Variants in LRRN3 observed in about 807,000 individuals in gnomAD.
LRRN3 encodes the protein leucine-rich repeat neuronal protein 3.
Under a neutral mutation model 40.1 loss-of-function variants are expected in LRRN3, and 15 were observed. The observed-to-expected ratio is 0.37, with a 90% CI of 0.25 to 0.58. LRRN3 has a LOEUF of 0.58. Ranked by LOEUF, LRRN3 falls within the 20% of genes least tolerant of loss-of-function variation. The pLI, the probability that LRRN3 is intolerant of heterozygous loss-of-function variation, is 0.72. For missense variants in LRRN3, 746 were observed against 837.7 expected (o/e 0.89, Z 1.35); for synonymous variants, 308 against 297.2 (o/e 1.04, Z -0.37).
chr7:111,109,737 T>A (rs2129582687), intron 2 of LRRN3, among the ~76,000 whole-genome samples: 2 of 152,304 alleles, frequency 1.3e-5, no homozygotes, highest in South Asian at 4.1e-4. Context: ...TTGAACTGAA[T>A]TTGTACATTG....
intron 2 of LRRN3, among the ~76,000 whole-genome samples, chr7:111,107,989 T>G (rs1220675905): frequency 2.0e-5 from 3 of 152,194 alleles, no homozygotes; most frequent in Non-Finnish European, 4.4e-5. Flanking sequence ...TGTCTTGATT[T>G]GCATCAACTT....
At chr7:111,112,753 A>C (rs1036545584) in intron 2 of LRRN3, among the ~76,000 whole-genome samples, 2 of 152,202 alleles carry the variant, frequency 1.3e-5, no homozygotes, top group Non-Finnish European at 2.9e-5. Context: ...ATTATAGGGA[A>C]CTAAAAATAC....
At chr7:111,114,702 T>G (rs1217674359) in intron 2 of LRRN3, among the ~76,000 whole-genome samples, 1 of 141,896 alleles carries the variant, frequency 7.0e-6, no homozygotes, top group African/African-American at 2.7e-5. Flanking sequence ...ATCGCACCAC[T>G]GCCCTCTAGC....
At chr7:111,106,434 G>A (rs1482696165) in intron 2 of LRRN3, among the ~76,000 whole-genome samples, 1 of 151,774 alleles carries the variant, frequency 6.6e-6, no homozygotes, top group African/African-American at 2.4e-5. Context: ...CTGGTTTTGA[G>A]AAACTCTCTA....
chr7:111,123,805 G>T lies in LRRN3; in HGVS notation c.1033G>T (p.Ala345Ser). The change falls in exon 3 of 3, where the codon GCT becomes TCT. Residue 345 changes from alanine to serine, a missense_variant. Coordinates refer to ENST00000308478, the MANE Select transcript of LRRN3 (RefSeq NM_001099658.2). This position sits in a 1 kb window ranked among gnomAD's most constrained non-coding sequence, Gnocchi z 6.4. The part of the protein sequence containing the change: ...KLESLMLNSN[A>S]LSALYHGTIE... Reference sequence around the variant, plus strand: ...GGAATCACTCATGCTGAACAGCAATGCTCTCAGTGCCCTGTACCATGGTAC... The same window carrying T: ...GGAATCACTCATGCTGAACAGCAATTCTCTCAGTGCCCTGTACCATGGTAC... The T allele has an allele frequency of 6.2e-7, 1 of 1,613,980 alleles. No homozygotes were observed. The highest frequency in any genetic ancestry group is 1.1e-5 in the South Asian group (1 of 91,070).
intron 2 of LRRN3, among the ~76,000 whole-genome samples, chr7:111,119,397 C>T (rs1014614579): frequency 6.6e-6 from 1 of 152,174 alleles, no homozygotes; most frequent in Non-Finnish European, 1.5e-5. Flanking sequence ...ATATCTAAGT[C>T]ATCTGTTTTC....
Position 111,124,130 on chromosome 7 carries a change from A to T in LRRN3, c.1358A>T (p.Glu453Val), listed in dbSNP as rs1217492638. The change falls in exon 3 of 3, where the codon GAA becomes GTA. Residue 453 changes from glutamate to valine, a missense_variant. Glu to Val is a moderately radical substitution (Grantham distance 121). Coordinates refer to ENST00000308478, the MANE Select transcript of LRRN3 (RefSeq NM_001099658.2). Reference protein sequence around the residue: ...HCRATAEPQPEIYWITPSGQK... With the variant: ...HCRATAEPQPVIYWITPSGQK... Reference sequence around the variant, plus strand: ...AGAGCTACTGCAGAACCACAGCCTGAAATCTACTGGATAACACCTTCTGGT... The same window carrying T: ...AGAGCTACTGCAGAACCACAGCCTGTAATCTACTGGATAACACCTTCTGGT... 4.3e-6 allele frequency: 7 copies of T among 1,613,914 alleles called. No homozygotes were observed. The highest frequency in any genetic ancestry group is 5.9e-6 in the Non-Finnish European group (7 of 1,179,990).
At chr7:111,111,167 A>G (rs1379983497) in intron 2 of LRRN3, among the ~76,000 whole-genome samples, 1 of 152,270 alleles carries the variant, frequency 6.6e-6, no homozygotes, top group Non-Finnish European at 1.5e-5. Flanking sequence ...ATGCAAATTT[A>G]TAACCCTGTT....
intron 2 of LRRN3, among the ~76,000 whole-genome samples, chr7:111,108,989 T>C (rs188403952): frequency 2.6e-5 from 4 of 152,160 alleles, no homozygotes; most frequent in Non-Finnish European, 4.4e-5. Flanking sequence ...AAAGCTAACA[T>C]TCTAGTGGAG....
intron 2 of LRRN3, among the ~76,000 whole-genome samples, chr7:111,103,041 C>G (rs1400890228): frequency 6.6e-6 from 1 of 151,518 alleles, no homozygotes; most frequent in African/African-American, 2.4e-5. Context: ...GTCCATTGAT[C>G]ATAGTGACTT....
chr7:111,109,260 G>GT (rs888699052), intron 2 of LRRN3, among the ~76,000 whole-genome samples: 43 of 148,838 alleles, frequency 2.9e-4, no homozygotes, highest in East Asian at 5.9e-4. Flanking sequence ...CCATAATTAA[G>GT]TTTTTTTTTT....
At position 111,124,572 on chromosome 7, in the gene LRRN3, G is replaced by A. The variant is rs141155565; in HGVS notation, c.1800G>A (p.Gln600=). The A allele has an allele frequency of 1.7e-3, 2,786 of 1,613,674 alleles. 10 individuals carry two copies. Among genetic ancestry groups the A allele is most frequent in the Middle Eastern group, 2.0e-3 (12 of 6,062 alleles). The change falls in exon 3 of 3, where the codon CAG becomes CAA. Residue 600 remains glutamine, a synonymous_variant. Coordinates refer to ENST00000308478, the MANE Select transcript of LRRN3 (RefSeq NM_001099658.2). ...GTATTGATATTCCCACCATCTATCA[G>A]AAAAACAGAAAAAAATGTGTAAATG... ...KICIDIPTIY[Q]KNRKKCVNVT... is the part of the protein sequence containing the mutation.
chr7:111,104,152 C>T (rs1271008264), intron 2 of LRRN3, among the ~76,000 whole-genome samples: 2 of 151,532 alleles, frequency 1.3e-5, no homozygotes, highest in Admixed American at 1.3e-4. Context: ...CTGGAGGATA[C>T]CTTCCTTCAT....
chr7:111,124,066 C>G lies in LRRN3; in HGVS notation c.1294C>G (p.Leu432Val). 7.4e-6 allele frequency: 12 copies of G among 1,613,938 alleles called. No individual in the cohort carries two copies. Among genetic ancestry groups the G allele is most frequent in the Non-Finnish European group, 9.3e-6 (11 of 1,179,896 alleles). The change falls in exon 3 of 3, where the codon CTA (leucine) becomes GTA (valine). Residue 432 changes from leucine (L) to valine (V), a missense_variant. Leu to Val is a conservative substitution (Grantham distance 32). Coordinates refer to ENST00000308478, the MANE Select transcript of LRRN3 (RefSeq NM_001099658.2). ...AGCTCCTGAGAGCTTTCCTTCTAAT[C>G]TAAATGTAGAAGCTGGGAGCTATGT... ...LIAPESFPSNLNVEAGSYVSF... is the reference protein window; with the variant it reads ...LIAPESFPSNVNVEAGSYVSF...
intron 2 of LRRN3, among the ~76,000 whole-genome samples, chr7:111,120,037 C>G (rs1054361745): frequency 6.6e-6 from 1 of 152,118 alleles, no homozygotes; most frequent in African/African-American, 2.4e-5. Context: ...GCAACCATAG[C>G]TCTACCAATA....
In LRRN3 at chr7:111,124,402, A is replaced by C; in HGVS notation, c.1630A>C (p.Ser544Arg). 1 of 1,613,788 alleles carries C rather than the reference A, an allele frequency of 6.2e-7. No individual in the cohort carries two copies. The highest frequency in any genetic ancestry group is 8.5e-7 in the Non-Finnish European group (1 of 1,179,944). The change falls in exon 3 of 3, where the codon AGT (serine) becomes CGT (arginine). Residue 544 changes from serine (S) to arginine (R), a missense_variant. Transcript: ENST00000308478. ...TTCAGTTTTGGTGTCCTGGAAAGCAAGTTCTAAAATTCTCAAATCTAGTGT... is the reference window on the plus strand; with the variant it reads ...TTCAGTTTTGGTGTCCTGGAAAGCACGTTCTAAAATTCTCAAATCTAGTGT... ...ANSVLVSWKA[S>R]SKILKSSVKW...
chr7:111,112,862 G>A (rs1415444035), intron 2 of LRRN3, among the ~76,000 whole-genome samples: 1 of 152,106 alleles, frequency 6.6e-6, no homozygotes, highest in African/African-American at 2.4e-5. Flanking sequence ...CAGCACACCC[G>A]AAAATGTGGT....
At chr7:111,104,371 T>G (rs901971199) in intron 2 of LRRN3, among the ~76,000 whole-genome samples, 1 of 151,866 alleles carries the variant, frequency 6.6e-6, no homozygotes, top group Non-Finnish European at 1.5e-5. Flanking sequence ...TTTTGTTATC[T>G]GCTTTAGATT....
In LRRN3 at chr7:111,122,485, T is replaced by C. The variant is rs1800765806; in HGVS notation, c.-288T>C. 1 of 283,844 alleles carries C rather than the reference T, an allele frequency of 3.5e-6. No individual in the cohort carries two copies. 17.6% of individuals were successfully genotyped at this position (283,844 alleles called of 1,614,324 possible). ...AATATTTTACTTCTAAATAAATGAA[T>C]TACTCAATCTCCTATGACCATCTAT... On this transcript the variant is annotated 5_prime_UTR_variant, in exon 3 of 3. Coordinates refer to ENST00000308478, the MANE Select transcript of LRRN3 (RefSeq NM_001099658.2).
Sources: gnomAD v4.1 joint callset for allele counts (sites outside exome capture counted in the v4.1 genomes callset) on GRCh38, gnomAD v4.1.1 for gene constraint, Gnocchi (gnomAD v3.1) non-coding constraint, MANE v1.5 for transcripts, NCBI Gene and HGNC (gene_info 2026-07-23, HGNC 2026-07-21) for gene names.